The following CDK14 variants were observed in gnomAD, a reference collection of about 807,000 sequenced individuals.
CDK14 encodes the protein cyclin-dependent kinase 14.
A neutral mutation model predicts 60.7 loss-of-function variants in CDK14; 34 were observed. That is an observed-to-expected ratio of 0.56 (90% CI 0.43 to 0.75). The LOEUF (loss-of-function observed/expected upper bound fraction) is 0.75, where lower values mean the gene tolerates loss of function less well. Ranked by LOEUF, CDK14 falls within the 30% of genes least tolerant of loss-of-function variation. The probability of loss-of-function intolerance (pLI) is 0.00; values close to 1 mark genes in which losing one functional copy is unlikely to be tolerated. For missense variants in CDK14, 482 were observed against 564.1 expected (o/e 0.85, Z 1.47); for synonymous variants, 197 against 203.7 (o/e 0.97, Z 0.28).
intron 10 of CDK14, among the ~76,000 whole-genome samples, chr7:90,993,234 G>T (rs1044635980): frequency 6.6e-6 from 1 of 152,156 alleles, no homozygotes; most frequent in Admixed American, 6.5e-5. Flanking sequence ...GATTTAAAGG[G>T]TGAGTGGGTA....
At chr7:90,875,923 A>G (rs1203696344) in intron 6 of CDK14, among the ~76,000 whole-genome samples, 1 of 152,024 alleles carries the variant, frequency 6.6e-6, no homozygotes, top group Non-Finnish European at 1.5e-5. Flanking sequence ...CCTTGTTTCA[A>G]GGTTGCAATA....
intron 4 of CDK14, among the ~76,000 whole-genome samples, chr7:90,752,175 C>G (rs1803872525): frequency 6.6e-6 from 1 of 152,050 alleles, no homozygotes; most frequent in South Asian, 2.1e-4. Context: ...CCAACTAGAC[C>G]TAATAGGCAT....
At chr7:90,802,481 T>A (rs1346561437) in intron 5 of CDK14, among the ~76,000 whole-genome samples, 4 of 152,330 alleles carry the variant, frequency 2.6e-5, no homozygotes, top group African/African-American at 9.6e-5. Context: ...ATCCTCATGG[T>A]CTTCAAGCTA....
chr7:90,810,747 T>G (rs1207105892), intron 5 of CDK14, among the ~76,000 whole-genome samples: 9 of 151,962 alleles, frequency 5.9e-5, no homozygotes, highest in Non-Finnish European at 1.3e-4. Flanking sequence ...GTCCTTAAGC[T>G]GATAAGCAAC....
At chr7:91,127,423 TC>T (rs1017667792) in intron 14 of CDK14, among the ~76,000 whole-genome samples, 1 of 151,974 alleles carries the variant, frequency 6.6e-6, no homozygotes, top group Non-Finnish European at 1.5e-5. Flanking sequence ...AGAGGGATTT[TC>T]CCCCCTCTGC....
intron 10 of CDK14, among the ~76,000 whole-genome samples, chr7:90,987,403 A>G (rs1795403150): frequency 6.6e-6 from 1 of 151,998 alleles, no homozygotes; most frequent in African/African-American, 2.4e-5. Flanking sequence ...TACTGTAGTT[A>G]TTTTACATGT....
intron 6 of CDK14, among the ~76,000 whole-genome samples, chr7:90,869,058 GC>G (rs1791285358): frequency 6.6e-6 from 1 of 152,150 alleles, no homozygotes; most frequent in East Asian, 1.9e-4. Flanking sequence ...TGGTTTCTCT[GC>G]CTCATACATT....
At chr7:90,807,570 C>T (rs1788906820) in intron 5 of CDK14, among the ~76,000 whole-genome samples, 1 of 152,186 alleles carries the variant, frequency 6.6e-6, no homozygotes, top group Admixed American at 6.5e-5. Flanking sequence ...TCTCCTCCTC[C>T]AAAGGAATGC....
chr7:91,129,810 C>T (rs1800063668), intron 14 of CDK14, among the ~76,000 whole-genome samples: 1 of 152,072 alleles, frequency 6.6e-6, no homozygotes, highest in South Asian at 2.1e-4. Context: ...GTAATATAAA[C>T]AAATGTGATT....
rs61613852 is a variant in CDK14 at position 91,052,897 on chromosome 7, G to A, written c.1105+6937G>A. 4.2e-3 allele frequency among the ~76,000 whole-genome samples: 639 copies of A among 152,244 alleles called. 6 individuals carry two copies. The highest frequency in any genetic ancestry group is 0.015 in the African/African-American group (613 of 41,562). ...TTGCCATTGGAGGCAATTGGGGAAT[G>A]GTGATATTTTAAACACACTCTGCTA... On this transcript the variant is annotated intron_variant, in intron 11 of 14. Transcript: ENST00000380050.
At chr7:91,020,947 G>T (rs1466171575) in intron 10 of CDK14, among the ~76,000 whole-genome samples, 2 of 152,098 alleles carry the variant, frequency 1.3e-5, no homozygotes, top group African/African-American at 2.4e-5. Flanking sequence ...TATGACCATA[G>T]AACTGATGTC....
chr7:90,821,629 G>A (rs1415950170), intron 5 of CDK14, among the ~76,000 whole-genome samples: 1 of 152,224 alleles, frequency 6.6e-6, no homozygotes, highest in African/African-American at 2.4e-5. Flanking sequence ...GGATGGGTCT[G>A]TTGGCACCAA....
chr7:90,664,457 A>C (rs78486702), intron 2 of CDK14, among the ~76,000 whole-genome samples: 46,980 of 152,094 alleles, frequency 0.31, 8,155 homozygotes, highest in East Asian at 0.67. Flanking sequence ...CCAAAGGATT[A>C]TAAATCATGC....
chr7:90,751,982 A>G (rs745495372), intron 4 of CDK14, among the ~76,000 whole-genome samples: 4 of 152,238 alleles, frequency 2.6e-5, no homozygotes, highest in Non-Finnish European at 4.4e-5. Context: ...AGACTTAACT[A>G]TCCTAAATAT....
chr7:90,599,212 C>T (rs1364663087), intron 1 of CDK14, among the ~76,000 whole-genome samples: 1 of 152,064 alleles, frequency 6.6e-6, no homozygotes, highest in African/African-American at 2.4e-5. Flanking sequence ...TAATGCATAC[C>T]ATGTCTTGTG....
At chr7:90,804,149 A>G (rs1788741876) in intron 5 of CDK14, among the ~76,000 whole-genome samples, 1 of 152,246 alleles carries the variant, frequency 6.6e-6, no homozygotes, top group African/African-American at 2.4e-5. Context: ...AGAAAGCTCC[A>G]TAAGCGAGGA....
intron 5 of CDK14, among the ~76,000 whole-genome samples, chr7:90,793,871 C>T (rs1415708007): frequency 6.6e-6 from 1 of 152,138 alleles, no homozygotes; most frequent in Non-Finnish European, 1.5e-5. Flanking sequence ...TATGGTCCCC[C>T]AAACTTAACA....
At chr7:90,618,531 A>ATTT (rs1431147255) in intron 2 of CDK14, among the ~76,000 whole-genome samples, 2 of 152,118 alleles carry the variant, frequency 1.3e-5, no homozygotes, top group Non-Finnish European at 2.9e-5. Flanking sequence ...GGTCCAGTGA[A>ATTT]TGAACTTTTG....
chr7:90,693,658 G>A (rs1439964330), intron 2 of CDK14, among the ~76,000 whole-genome samples: 4 of 152,140 alleles, frequency 2.6e-5, no homozygotes, highest in African/African-American at 9.7e-5. Context: ...GGCCTCAGTG[G>A]ATTCTGTGCT....
Sources: allele counts gnomAD v4.1 joint callset (sites outside exome capture counted in the v4.1 genomes callset), GRCh38; gene constraint gnomAD v4.1.1; transcripts MANE v1.5; gene names NCBI Gene and HGNC (gene_info 2026-07-23, HGNC 2026-07-21).